GRAMD1B: variants seen among roughly 807,000 people sequenced by gnomAD.
The protein encoded by GRAMD1B is protein Aster-B.
GRAMD1B carries 37 observed loss-of-function variants against 99.7 expected under a neutral mutation model. That is an observed-to-expected ratio of 0.37 (90% CI 0.29 to 0.49). GRAMD1B has a LOEUF of 0.49. Ranked by LOEUF, GRAMD1B falls within the 20% of genes least tolerant of loss-of-function variation. GRAMD1B has a pLI of 0.98. For synonymous variants in GRAMD1B, 427 were observed against 387.6 expected (o/e 1.10, Z -1.19); for missense variants, 888 against 1,009.2 (o/e 0.88, Z 1.63).
In GRAMD1B at chr11:123,492,858, T is replaced by TCACACACA. The variant is rs763283753; in HGVS notation, c.452+11971_452+11972insCACACACA. 0.095 allele frequency among the ~76,000 whole-genome samples: 12,564 copies of TCACACACA among 131,582 alleles called. 1,161 individuals carry two copies. Among genetic ancestry groups the TCACACACA allele is most frequent in the African/African-American group, 0.24 (8,703 of 36,160 alleles). 86.3% of individuals were successfully genotyped at this position (131,582 alleles called of 152,430 possible). The stretch of plus-strand genomic sequence containing the variant: ...CTCTCTCTCTCTCTGTCTCTCTCTT[T>TCACACACA]CACACATACACACACACACACACAC... On this transcript the variant is annotated intron_variant, in intron 2 of 19. Coordinates refer to ENST00000635736, the MANE Select transcript of GRAMD1B (RefSeq NM_001387025.1). This position sits in a 1 kb window ranked among gnomAD's most constrained non-coding sequence, Gnocchi z 4.2.
intron 7 of GRAMD1B, chr11:123,598,521 T>C (rs1951565456): frequency 6.9e-7 from 1 of 1,457,956 alleles, no homozygotes; most frequent in South Asian, 1.1e-5. Flanking sequence ...AGTGTCTTAC[T>C]TGGTGCCCTT....
chr11:123,412,639 G>T (rs1948090897), intron 1 of GRAMD1B, among the ~76,000 whole-genome samples: 1 of 152,060 alleles, frequency 6.6e-6, no homozygotes, highest in African/African-American at 2.4e-5. Flanking sequence ...TTCCCACATT[G>T]CTTTCCAAAA....
chr11:123,570,421 C>CTTTTTTTT (rs755038860), intron 2 of GRAMD1B, among the ~76,000 whole-genome samples: 5 of 130,576 alleles, frequency 3.8e-5, no homozygotes, highest in African/African-American at 8.7e-5. Context: ...TTTTTCTTTT[C>CTTTTTTTT]TTTTTTTTTT....
chr11:123,614,941 C>T (rs1954146232), intron 17 of GRAMD1B, 106 bp downstream of exon 17: 4 of 630,068 alleles, frequency 6.3e-6, no homozygotes, highest in Non-Finnish European at 1.1e-5. Flanking sequence ...ACTGTTTGCC[C>T]TGGTTTTTGC....
intron 1 of GRAMD1B, among the ~76,000 whole-genome samples, chr11:123,395,618 C>A (rs1216432060): frequency 2.0e-5 from 3 of 152,170 alleles, no homozygotes; most frequent in Admixed American, 6.5e-5. Context: ...TAGTGGTTTT[C>A]AATCTTAGCT....
chr11:123,581,706 C>A (rs978962346), intron 3 of GRAMD1B, among the ~76,000 whole-genome samples: 1 of 152,202 alleles, frequency 6.6e-6, no homozygotes, highest in African/African-American at 2.4e-5. Flanking sequence ...CTTTTCAGTT[C>A]TTTAGTACAT....
At chr11:123,566,618 T>C (rs1947400711) in intron 2 of GRAMD1B, among the ~76,000 whole-genome samples, 1 of 152,052 alleles carries the variant, frequency 6.6e-6, no homozygotes, top group Admixed American at 6.5e-5. Context: ...TACAAAAAAT[T>C]AGCCACGCGT....
rs113407821 is a variant in GRAMD1B, at chr11:123,445,328, T to C, written c.374+14162T>C. ...GAGCATTCGTGTTCTGGCTGGATCA[T>C]TACACTTTGGAGCTCTTTTTGACCT... On this transcript the variant is annotated intron_variant, in intron 1 of 19. Transcript: ENST00000635736. 6.7e-3 allele frequency among the ~76,000 whole-genome samples: 1,022 copies of C among 152,232 alleles called. 12 individuals carry two copies. The highest frequency in any genetic ancestry group is 0.023 in the African/African-American group (945 of 41,546).
intron 4 of GRAMD1B, among the ~76,000 whole-genome samples, chr11:123,589,879 C>T (rs1001241124): frequency 1.4e-4 from 22 of 152,188 alleles, no homozygotes; most frequent in African/African-American, 1.4e-4. Context: ...TAATCCTATG[C>T]GGGCCAAGAC....
At chr11:123,475,266 G>A (rs1951211126) in intron 1 of GRAMD1B, among the ~76,000 whole-genome samples, 1 of 152,186 alleles carries the variant, frequency 6.6e-6, no homozygotes, top group South Asian at 2.1e-4. Flanking sequence ...CTCCCTTGTG[G>A]AGCGTGCTTT....
intron 1 of GRAMD1B, among the ~76,000 whole-genome samples, chr11:123,378,362 C>T (rs2135773204): frequency 6.6e-6 from 1 of 152,288 alleles, no homozygotes; most frequent in Middle Eastern, 3.4e-3. Flanking sequence ...GACTCTGGCC[C>T]TCAGTCTGTC....
At chr11:123,548,349 C>CACATAT (rs1184195342) in intron 2 of GRAMD1B, among the ~76,000 whole-genome samples, 8 of 107,748 alleles carry the variant, frequency 7.4e-5, no homozygotes, top group East Asian at 7.0e-4. Context: ...CACACACACA[C>CACATAT]ATATATATAT....
chr11:123,519,964 C>T (rs1376579436), intron 2 of GRAMD1B, among the ~76,000 whole-genome samples: 2 of 152,224 alleles, frequency 1.3e-5, no homozygotes, highest in African/African-American at 4.8e-5. Context: ...TTTCCCTTGG[C>T]CGGATGGCCC....
rs929585954 is a variant in GRAMD1B at position 123,625,339 on chromosome 11, T to C, written c.*2744T>C. On this transcript the variant is annotated 3_prime_UTR_variant, in exon 20 of 20. Coordinates refer to ENST00000635736, the MANE Select transcript of GRAMD1B (RefSeq NM_001387025.1). Reference sequence around the variant, plus strand: ...ACAGGAGTCTTTCTGTAATGACTTATGTGGTAAAATGTTTGAGAGTTTGCA... The same window carrying C: ...ACAGGAGTCTTTCTGTAATGACTTACGTGGTAAAATGTTTGAGAGTTTGCA... 1 of 152,244 alleles carries C rather than the reference T, an allele frequency of 6.6e-6. No homozygotes were observed. The highest frequency in any genetic ancestry group is 2.4e-5 in the African/African-American group (1 of 41,464). 9.4% of individuals were successfully genotyped at this position (152,244 alleles called of 1,614,324 possible).
rs1946912927 is a variant in GRAMD1B, at chr11:123,382,522, T to A, written c.-176+23723T>A. 2.0e-5 allele frequency among the ~76,000 whole-genome samples: 3 copies of A among 151,624 alleles called. No homozygotes were observed. In the South Asian group the frequency reaches 6.2e-4, roughly 31 times the overall value. On this transcript the variant is annotated intron_variant, in intron 1 of 20. Transcript: ENST00000638157. ...ACTCTCTTATATTGTGAAAACTGCC[T>A]CAGTGTTTCCATTCTGAAGACCTTG... is the stretch of plus-strand genomic sequence containing the variant.
At chr11:123,594,053 T>A (rs1192457795) in intron 4 of GRAMD1B, 29 bp from the exon 5 acceptor site, 1 of 1,491,854 alleles carries the variant, frequency 6.7e-7, no homozygotes, top group Non-Finnish European at 9.4e-7. Flanking sequence ...CCGGGGTACA[T>A]CCTACTAACC....
At chr11:123,368,275 A>AAAAG (rs60404636) in intron 1 of GRAMD1B, among the ~76,000 whole-genome samples, 1,503 of 126,800 alleles carry the variant, frequency 0.012, 31 homozygotes, top group African/African-American at 0.032. Flanking sequence ...AAAAAAAAAA[A>AAAAG]AAAGAAAGAA....
intron 2 of GRAMD1B, among the ~76,000 whole-genome samples, chr11:123,516,634 A>C (rs1941695863): frequency 1.3e-5 from 2 of 152,226 alleles, no homozygotes; most frequent in Non-Finnish European, 2.9e-5. Context: ...AATGTAAGTC[A>C]GCTGAGACTA....
chr11:123,481,339 C>T (rs976084054), intron 2 of GRAMD1B, among the ~76,000 whole-genome samples: 1 of 152,118 alleles, frequency 6.6e-6, no homozygotes, highest in Non-Finnish European at 1.5e-5. Context: ...CCTCTAATTC[C>T]AGCTACTCCG....
Sources: gnomAD v4.1 joint callset for allele counts (sites outside exome capture counted in the v4.1 genomes callset) on GRCh38, gnomAD v4.1.1 for gene constraint, Gnocchi (gnomAD v3.1) non-coding constraint, MANE v1.5 for transcripts, NCBI Gene and HGNC (gene_info 2026-07-23, HGNC 2026-07-21) for gene names.